The following CEP126 variants were observed in gnomAD, a reference collection of about 807,000 sequenced individuals.
CEP126 encodes the protein centrosomal protein of 126 kDa.
A neutral mutation model predicts 107.8 loss-of-function variants in CEP126; 74 were observed. That is an observed-to-expected ratio of 0.69 (90% confidence interval 0.57 to 0.83). The LOEUF (loss-of-function observed/expected upper bound fraction) is 0.83. CEP126 is among the 40% of genes least tolerant of loss of function. CEP126 has a pLI of 0.00. For synonymous variants in CEP126, 449 were observed against 446.0 expected, an observed-to-expected ratio of 1.01 and a Z score of -0.08; for missense variants, 1,237 against 1,281.9, an observed-to-expected ratio of 0.96 and a Z score of 0.53.
At chr11:101,984,396 C>T (rs1941292421) in intron 8 of CEP126, among the ~76,000 whole-genome samples, 1 of 151,952 alleles carries the variant, frequency 6.6e-6, no homozygotes, top group Admixed American at 6.6e-5. Flanking sequence ...GACCTCATTA[C>T]GTAAGCAAAA....
At chr11:101,929,719 G>A (rs1437350414) in intron 2 of CEP126, among the ~76,000 whole-genome samples, 1 of 152,194 alleles carries the variant, frequency 6.6e-6, no homozygotes, top group Non-Finnish European at 1.5e-5. Context: ...TTACCACCAG[G>A]TGGAGATGAA....
chr11:101,963,882 T>C lies in CEP126; in HGVS notation c.2845+2T>C. ...TGCATCAAAATAAGAGGGCTACAGG[T>C]AAGAATAAATTTATAGCTTTTTATA... On this transcript the variant is annotated splice_donor_variant, in intron 6 of 10. Coordinates refer to ENST00000263468, the MANE Select transcript of CEP126 (RefSeq NM_020802.4). LOFTEE classifies it high-confidence loss of function. The C allele has an allele frequency of 6.4e-7, 1 of 1,561,290 alleles. No individual in the cohort carries two copies.
At chr11:101,995,533 G>A (rs1302621403) in intron 10 of CEP126, among the ~76,000 whole-genome samples, 2 of 152,182 alleles carry the variant, frequency 1.3e-5, no homozygotes, top group Admixed American at 1.3e-4. Flanking sequence ...AAACAAGAAA[G>A]TCACCTACCC....
intron 4 of CEP126, chr11:101,955,849 G>A (rs758821327): frequency 2.2e-6 from 1 of 456,094 alleles, no homozygotes; most frequent in Non-Finnish European, 4.4e-6. Context: ...CTGATCAACT[G>A]TCTCCTCCAC....
intron 6 of CEP126, among the ~76,000 whole-genome samples, chr11:101,967,653 T>C (rs761782311): frequency 1.3e-5 from 2 of 152,234 alleles, no homozygotes; most frequent in Non-Finnish European, 2.9e-5. Flanking sequence ...ATACTTTCAC[T>C]GCTCATTTTT....
chr11:101,948,285 A>G (rs553057334), intron 4 of CEP126, 143 bp downstream of exon 4: 5 of 468,944 alleles, frequency 1.1e-5, no homozygotes, highest in African/African-American at 9.7e-5. Flanking sequence ...AAATTGAGGT[A>G]GAATAGAATG....
intron 8 of CEP126, among the ~76,000 whole-genome samples, chr11:101,986,162 T>C (rs1177772533): frequency 6.6e-6 from 1 of 152,108 alleles, no homozygotes; most frequent in Non-Finnish European, 1.5e-5. Context: ...TTTGTATTTT[T>C]AGTACAGACG....
At chr11:101,932,626 G>A (rs2119734) in intron 2 of CEP126, among the ~76,000 whole-genome samples, 57,591 of 151,734 alleles carry the variant, frequency 0.38, 11,194 homozygotes, top group East Asian at 0.51. Flanking sequence ...CAGGACCTTT[G>A]CACACTGTTT....
At chr11:101,934,034 A>G (rs1441293761) in intron 2 of CEP126, among the ~76,000 whole-genome samples, 2 of 152,066 alleles carry the variant, frequency 1.3e-5, no homozygotes, top group Non-Finnish European at 2.9e-5. Context: ...ACTCACAGAT[A>G]GATACAAAGG....
At chr11:101,925,181 CTTTG>C (rs1015810825) in intron 2 of CEP126, among the ~76,000 whole-genome samples, 3 of 152,130 alleles carry the variant, frequency 2.0e-5, no homozygotes, top group Non-Finnish European at 2.9e-5. Context: ...CATAGCATCC[CTTTG>C]TTTGTTTGTT....
chr11:101,919,275 T>C (rs1180002520), intron 1 of CEP126, among the ~76,000 whole-genome samples: 1 of 151,958 alleles, frequency 6.6e-6, no homozygotes, highest in African/African-American at 2.4e-5. Context: ...TTTAATAGAT[T>C]TGGGGAAAAA....
rs757673673 is a variant in CEP126 at position 101,962,030 on chromosome 11, G to A, written c.995G>A (p.Ser332Asn). The A allele has an allele frequency of 1.2e-6, 2 of 1,613,154 alleles. No homozygotes were observed. Among genetic ancestry groups the A allele is most frequent in the Non-Finnish European group, 8.5e-7 (1 of 1,179,504 alleles). The part of the protein sequence containing the change: ...QNVTAFSDIL[S>N]KSNVLPSWEY... ...GTCACAGCTTTCTCAGATATTTTAA[G>A]TAAATCTAATGTTCTGCCTTCATGG... The change falls in exon 6 of 11, where the codon AGT (serine) becomes AAT (asparagine). Residue 332 changes from serine (S) to asparagine (N), a missense_variant. Ser to Asn is a conservative substitution (Grantham distance 46). Coordinates refer to ENST00000263468, the MANE Select transcript of CEP126 (RefSeq NM_020802.4).
At chr11:101,972,126 A>G (rs1403051828) in intron 6 of CEP126, among the ~76,000 whole-genome samples, 3 of 151,364 alleles carry the variant, frequency 2.0e-5, no homozygotes, top group South Asian at 4.2e-4. Context: ...ATGAAATAAA[A>G]TAAGAAAGAA....
chr11:101,975,851 T>C (rs1259410272), intron 6 of CEP126, among the ~76,000 whole-genome samples: 1 of 152,230 alleles, frequency 6.6e-6, no homozygotes, highest in Non-Finnish European at 1.5e-5. Context: ...GGTTTCCTTA[T>C]GTTCTTGTGT....
At chr11:101,989,291 C>T (rs1362094573) in intron 9 of CEP126, among the ~76,000 whole-genome samples, 1 of 152,018 alleles carries the variant, frequency 6.6e-6, no homozygotes, top group African/African-American at 2.4e-5. Flanking sequence ...TTTTCTCTAC[C>T]TTAACACCGT....
At chr11:101,990,230 G>A (rs1941362410) in intron 9 of CEP126, among the ~76,000 whole-genome samples, 1 of 152,212 alleles carries the variant, frequency 6.6e-6, no homozygotes, top group Non-Finnish European at 1.5e-5. Context: ...GCAAATAGGA[G>A]GCAGAGCAGG....
In CEP126 at chr11:101,922,661, A is replaced by G; in HGVS notation, c.149A>G (p.Glu50Gly). 1.2e-6 allele frequency: 2 copies of G among 1,605,922 alleles called. No individual in the cohort carries two copies. Among genetic ancestry groups the G allele is most frequent in the Non-Finnish European group, 1.7e-6 (2 of 1,172,888 alleles). Residue 50 changes from glutamate (E) to glycine (G), a missense_variant, in exon 2 of 11, where the codon GAG becomes GGG. Coordinates refer to ENST00000263468, the MANE Select transcript of CEP126 (RefSeq NM_020802.4). Reference sequence around the variant, plus strand: ...ATTAGAGATATGAAAATCCATCTGGAGAAAAATTTAGAAGAAGAGCGCCAG... The same window carrying G: ...ATTAGAGATATGAAAATCCATCTGGGGAAAAATTTAGAAGAAGAGCGCCAG... ...GSYLDMKIHL[E>G]KNLEEERQIL...
intron 9 of CEP126, 23 bp downstream of exon 9, chr11:101,987,064 T>G: frequency 7.0e-7 from 1 of 1,435,062 alleles, no homozygotes; most frequent in Non-Finnish European, 9.7e-7. Context: ...GAACACCTTT[T>G]ATAAGAAATA....
In CEP126 at chr11:101,997,992, T is replaced by G; in HGVS notation, c.*349T>G. On this transcript the variant is annotated 3_prime_UTR_variant, in exon 11 of 11. Transcript: ENST00000263468. ...GCTCCTTTGCAATTTATAGATTTCATGTTGAAATATATGTTAAATAAAATT... is the reference window on the plus strand; with the variant it reads ...GCTCCTTTGCAATTTATAGATTTCAGGTTGAAATATATGTTAAATAAAATT... 1 of 192,638 alleles carries G rather than the reference T, an allele frequency of 5.2e-6. No homozygotes were observed. The highest frequency in any genetic ancestry group is 1.2e-4 in the East Asian group (1 of 8,350). The allele number at this position is 192,638 out of a possible 1,614,324, so 11.9% of individuals were successfully genotyped here.
Sources: allele counts gnomAD v4.1 joint callset (sites outside exome capture counted in the v4.1 genomes callset), GRCh38; gene constraint gnomAD v4.1.1; transcripts MANE v1.5; gene names NCBI Gene and HGNC (gene_info 2026-07-23, HGNC 2026-07-21).